ANKRD13A: variants seen among roughly 807,000 people sequenced by gnomAD.
The protein encoded by ANKRD13A is ankyrin repeat domain-containing protein 13A.
ANKRD13A carries 48 observed loss-of-function variants against 81.3 expected under a neutral mutation model. The ratio of observed to expected loss-of-function variants is 0.59; its 90% CI spans 0.47 to 0.75. ANKRD13A has a LOEUF of 0.75. Ranked by LOEUF, ANKRD13A falls within the 30% of genes least tolerant of loss-of-function variation. ANKRD13A has a pLI of 0.00. For synonymous variants in ANKRD13A, 230 were observed against 270.1 expected, an observed-to-expected ratio of 0.85 and a Z score of 1.45; for missense variants, 612 against 734.0, an observed-to-expected ratio of 0.83 and a Z score of 1.92.
chr12:110,028,760 C>T (rs113189922), intron 10 of ANKRD13A, 118 bp downstream of exon 10: 33 of 1,391,894 alleles, frequency 2.4e-5, no homozygotes, highest in African/African-American at 1.2e-4. Context: ...TTTTTTCAGA[C>T]GGAGTCTCGC....
Position 109,999,915 on chromosome 12 carries a change from G to C in ANKRD13A, c.96+131G>C. ...GACCCCTTCCACTTTGCAGGTGTGGGACAGTCCTAATAATAGGACACGTAT... is the reference window on the plus strand; with the variant it reads ...GACCCCTTCCACTTTGCAGGTGTGGCACAGTCCTAATAATAGGACACGTAT... On this transcript the variant is annotated intron_variant, in intron 1 of 14. Coordinates refer to ENST00000261739, the MANE Select transcript of ANKRD13A (RefSeq NM_033121.2). This position sits in a 1 kb window ranked among gnomAD's most constrained non-coding sequence, Gnocchi z 4.3. 1.3e-6 allele frequency: 1 copy of C among 753,364 alleles called. No individual in the cohort carries two copies. The highest frequency in any genetic ancestry group is 2.0e-6 in the Non-Finnish European group (1 of 500,596). 46.7% of individuals were successfully genotyped at this position (753,364 alleles called of 1,614,324 possible).
In ANKRD13A at chr12:110,031,022, G is replaced by C. The variant is rs539839432; in HGVS notation, c.1348+264G>C. Reference sequence around the variant, plus strand: ...AGGCAGGAGAATCGCTTGAACTGGGGGAGAGGCGGGGGGATGGAGGTTGCT... The same window carrying C: ...AGGCAGGAGAATCGCTTGAACTGGGCGAGAGGCGGGGGGATGGAGGTTGCT... On this transcript the variant is annotated intron_variant, in intron 12 of 14. Coordinates refer to ENST00000261739, the MANE Select transcript of ANKRD13A (RefSeq NM_033121.2). 1.4e-3 allele frequency among the ~76,000 whole-genome samples: 215 copies of C among 152,086 alleles called. 1 individual carries two copies. The highest frequency in any genetic ancestry group is 5.0e-3 in the African/African-American group (206 of 41,480).
At chr12:110,023,867 G>A (rs935791689) in intron 6 of ANKRD13A, 179 bp from the exon 7 acceptor site, 12 of 572,364 alleles carry the variant, frequency 2.1e-5, no homozygotes, top group Non-Finnish European at 3.8e-5. Context: ...GTGGGAGGAG[G>A]GTGGAGGGTG....
chr12:110,010,852 C>T (rs1246859417), intron 1 of ANKRD13A, among the ~76,000 whole-genome samples: 5 of 152,234 alleles, frequency 3.3e-5, no homozygotes, highest in Non-Finnish European at 7.3e-5. Context: ...TTCTGCGTAT[C>T]TTCAGAGACT....
intron 11 of ANKRD13A, 88 bp from the exon 12 acceptor site, chr12:110,030,557 C>A: frequency 1.5e-6 from 1 of 655,988 alleles, no homozygotes; most frequent in Non-Finnish European, 2.4e-6. Flanking sequence ...TATCAAAGTA[C>A]TTGGCATAGT....
intron 1 of ANKRD13A, among the ~76,000 whole-genome samples, chr12:110,009,936 C>T (rs776930246): frequency 5.3e-5 from 8 of 152,244 alleles, no homozygotes; most frequent in Non-Finnish European, 1.0e-4. Context: ...ACAATCTCAG[C>T]TCACTGCAAC....
intron 1 of ANKRD13A, among the ~76,000 whole-genome samples, chr12:110,007,178 A>T: frequency 6.6e-6 from 1 of 152,204 alleles, no homozygotes; most frequent in Non-Finnish European, 1.5e-5. Flanking sequence ...TGGCTATTCT[A>T]GGTTTCTTGC....
chr12:110,004,167 A>AG (rs1404094725), intron 1 of ANKRD13A, among the ~76,000 whole-genome samples: 1 of 152,066 alleles, frequency 6.6e-6, no homozygotes, highest in Non-Finnish European at 1.5e-5. Flanking sequence ...CAAAAAAAAA[A>AG]TAAATTTTTT....
At chr12:110,037,065 T>C (rs1892102389) in intron 14 of ANKRD13A, among the ~76,000 whole-genome samples, 1 of 152,248 alleles carries the variant, frequency 6.6e-6, no homozygotes, top group Admixed American at 6.5e-5. Flanking sequence ...CGAAGACTTA[T>C]ACTTAAGGTG....
chr12:110,026,346 G>A (rs1891325089), intron 8 of ANKRD13A, among the ~76,000 whole-genome samples: 1 of 151,260 alleles, frequency 6.6e-6, no homozygotes, highest in Admixed American at 6.6e-5. Flanking sequence ...GGCCAATGTG[G>A]GCGAGTCACC....
chr12:110,036,213 C>G lies in ANKRD13A; in HGVS notation c.1510-48C>G. On this transcript the variant is annotated intron_variant, in intron 13 of 14. Transcript: ENST00000261739. This position sits in a 1 kb window ranked among gnomAD's most constrained non-coding sequence, Gnocchi z 4.6. The stretch of plus-strand genomic sequence containing the variant: ...CATCGTTTCCTTACCAGAATGGCAC[C>G]AATTTCTCCTAAGACGTATTCATGT... 6.4e-7 allele frequency: 1 copy of G among 1,566,690 alleles called. No individual in the cohort carries two copies.
At position 110,037,460 on chromosome 12, in the gene ANKRD13A, T is replaced by C. The variant is rs1222150128; in HGVS notation, c.1679T>C (p.Leu560Pro). The C allele has an allele frequency of 2.5e-6, 4 of 1,614,038 alleles. No homozygotes were observed. Among genetic ancestry groups the C allele is most frequent in the African/African-American group, 1.3e-5 (1 of 74,914 alleles). ...FDNDLQLAME[L>P]SAKELEEWEL... ...AATGACTTGCAGCTAGCCATGGAGC[T>C]CTCTGCCAAAGAGCTGGAGGAATGG... The change falls in exon 15 of 15, where the codon CTC (leucine) becomes CCC (proline). Residue 560 changes from leucine (L) to proline (P), a missense_variant. Leu to Pro is a moderately conservative substitution (Grantham distance 98, BLOSUM62 -3). Coordinates refer to ENST00000261739, the MANE Select transcript of ANKRD13A (RefSeq NM_033121.2).
chr12:110,016,839 C>T (rs1566052926), intron 4 of ANKRD13A, among the ~76,000 whole-genome samples: 1 of 151,946 alleles, frequency 6.6e-6, no homozygotes, highest in Non-Finnish European at 1.5e-5. Context: ...GTGGCATGAC[C>T]TTGGCTCACT....
chr12:110,028,884 C>T (rs1357884105), intron 10 of ANKRD13A: 16 of 361,358 alleles, frequency 4.4e-5, no homozygotes, highest in South Asian at 1.6e-4. Flanking sequence ...ACTACAGGCG[C>T]GTGCCACCAC....
At chr12:110,003,744 A>G (rs1890100220) in intron 1 of ANKRD13A, among the ~76,000 whole-genome samples, 2 of 152,202 alleles carry the variant, frequency 1.3e-5, no homozygotes, top group Non-Finnish European at 2.9e-5. Flanking sequence ...AGAGCTCGGC[A>G]GGAGGATGGC....
intron 8 of ANKRD13A, 141 bp downstream of exon 8, chr12:110,025,964 C>CA: frequency 9.9e-6 from 5 of 505,152 alleles, no homozygotes; most frequent in Non-Finnish European, 1.7e-5. Context: ...CTCTCTCTCT[C>CA]TTTTTTTTTT....
In ANKRD13A at chr12:110,037,711, C is replaced by T; in HGVS notation, c.*157C>T. 1.4e-6 allele frequency: 1 copy of T among 710,668 alleles called. No homozygotes were observed. Among genetic ancestry groups the T allele is most frequent in the Non-Finnish European group, 2.2e-6 (1 of 447,986 alleles). The allele number at this position is 710,668 out of a possible 1,614,324, so 44.0% of individuals were successfully genotyped here. A position where few individuals can be genotyped will look rare whatever the true frequency, so the allele number is the denominator to read the frequency against. ...TGCAGAGGTGCAGAACCAGGGACTC[C>T]TGGGCCCATCCAGGCTGCTCCCTGG... On this transcript the variant is annotated 3_prime_UTR_variant, in exon 15 of 15. Transcript: ENST00000261739.
chr12:110,033,214 C>T (rs995610671), intron 12 of ANKRD13A, among the ~76,000 whole-genome samples: 12 of 149,900 alleles, frequency 8.0e-5, no homozygotes, highest in African/African-American at 1.7e-4. Flanking sequence ...CCACCACGCC[C>T]GGCTAATTTT....
chr12:110,038,918 G>C lies in ANKRD13A; in HGVS notation c.*1364G>C, dbSNP rs117355755. ...TAAACAACACCCTCCTCCATTTTGC[G>C]TCTATTTCTTCTATTGTGCTTCTTT... On this transcript the variant is annotated 3_prime_UTR_variant, in exon 15 of 15. Coordinates refer to ENST00000261739, the MANE Select transcript of ANKRD13A (RefSeq NM_033121.2). 6.6e-6 allele frequency: 1 copy of C among 152,142 alleles called. No homozygotes were observed. Among genetic ancestry groups the C allele is most frequent in the South Asian group, 2.1e-4 (1 of 4,832 alleles). 9.4% of individuals were successfully genotyped at this position (152,142 alleles called of 1,614,324 possible).
Sources: gnomAD v4.1 joint callset for allele counts (sites outside exome capture counted in the v4.1 genomes callset) on GRCh38, gnomAD v4.1.1 for gene constraint, Gnocchi (gnomAD v3.1) non-coding constraint, MANE v1.5 for transcripts, NCBI Gene and HGNC (gene_info 2026-07-23, HGNC 2026-07-21) for gene names.